The following DCTPP1 variants were observed in gnomAD, a reference collection of about 807,000 sequenced individuals.
DCTPP1 encodes dCTP pyrophosphatase 1.
DCTPP1 carries 8 observed loss-of-function variants against 8.8 expected under a neutral mutation model. That is an observed-to-expected ratio of 0.91 (90% confidence interval 0.54 to 1.64). DCTPP1 has a LOEUF of 1.64. DCTPP1 is among the 40% of genes most tolerant of loss of function. The probability of loss-of-function intolerance (pLI) is 0.00; values close to 1 mark genes in which losing one functional copy is unlikely to be tolerated. For missense variants in DCTPP1, 231 were observed against 230.4 expected (o/e 1.00, Z -0.02); for synonymous variants, 85 against 92.1 (o/e 0.92, Z 0.44).
intron 2 of DCTPP1, among the ~76,000 whole-genome samples, chr16:30,424,843 C>T (rs2050184079): frequency 6.6e-6 from 1 of 152,228 alleles, no homozygotes; most frequent in African/African-American, 2.4e-5. Context: ...GAAGCCTCCC[C>T]ACTCATCTCC....
At chr16:30,428,556 G>A (rs777026929) in intron 2 of DCTPP1, among the ~76,000 whole-genome samples, 53 of 151,976 alleles carry the variant, frequency 3.5e-4, no homozygotes, top group Non-Finnish European at 6.6e-4. Context: ...GATCACCTGA[G>A]GTCAGGAATT....
At position 30,429,920 on chromosome 16, in the gene DCTPP1, C is replaced by T; in HGVS notation, c.61G>A (p.Gly21Ser). ...DTGGEDTAAP[G>S]RFSFSPEPTL... Reference sequence around the variant, plus strand: ...GGCTCCGGGCTGAAGCTGAACCGGCCGGGAGCAGCAGTGTCCTCTCCCCCC... The same window carrying T: ...GGCTCCGGGCTGAAGCTGAACCGGCTGGGAGCAGCAGTGTCCTCTCCCCCC... The change falls in exon 1 of 3, where the codon GGC becomes AGC. Residue 21 changes from glycine (G) to serine (S), a missense_variant. By Grantham distance (56) the Gly-to-Ser change is moderately conservative (BLOSUM62 0). Coordinates refer to ENST00000319285, the MANE Select transcript of DCTPP1 (RefSeq NM_024096.2). 6.3e-7 allele frequency: 1 copy of T among 1,594,444 alleles called. No homozygotes were observed. Among genetic ancestry groups the T allele is most frequent in the Non-Finnish European group, 8.5e-7 (1 of 1,171,318 alleles).
Position 30,424,281 on chromosome 16 carries a change from C to T in DCTPP1, c.465G>A (p.Val155=). 1 of 1,614,228 alleles carries T rather than the reference C, an allele frequency of 6.2e-7. No individual in the cohort carries two copies. Among genetic ancestry groups the T allele is most frequent in the Non-Finnish European group, 8.5e-7 (1 of 1,180,042 alleles). The stretch of plus-strand genomic sequence containing the variant: ...AGTCACAGGGAATGTCCGCAGGCCC[C>T]ACAGCCTGGTCTTCAGAGATGGCCC... ...PHGAISEDQA[V]GPADIPCDST... is the part of the protein sequence containing the mutation. The change falls in exon 3 of 3, where the codon GTG becomes GTA. Residue 155 remains valine (V), a synonymous_variant. Transcript: ENST00000319285.
chr16:30,429,494 T>C (rs943541717), intron 1 of DCTPP1: 3 of 414,698 alleles, frequency 7.2e-6, no homozygotes, highest in African/African-American at 4.1e-5. Flanking sequence ...CAGAAGGTAG[T>C]TCCACAGACC....
chr16:30,424,452 G>A lies in DCTPP1; in HGVS notation c.294C>T (p.Asp98=), dbSNP rs531994911. 8.1e-6 allele frequency: 13 copies of A among 1,614,232 alleles called. No individual in the cohort carries two copies. The East Asian group carries it at 8.9e-5, about 11-fold the overall frequency. ...ERAALQEELS[D]VLIYLVALAA... is the part of the protein sequence containing the mutation. ...CTAATGCCACCAGGTAGATGAGGAC[G>A]TCACTAAGCTCCTCTTGAAGGGCTG... is the stretch of plus-strand genomic sequence containing the variant. Residue 98 remains aspartate, a synonymous_variant, in exon 3 of 3, where the codon GAC becomes GAT. Coordinates refer to ENST00000319285, the MANE Select transcript of DCTPP1 (RefSeq NM_024096.2).
At chr16:30,427,033 G>A (rs1263833382) in intron 2 of DCTPP1, among the ~76,000 whole-genome samples, 10 of 144,776 alleles carry the variant, frequency 6.9e-5, no homozygotes, top group Non-Finnish European at 1.1e-4. Context: ...TTTTTGAGAC[G>A]GAGCCTTGCT....
chr16:30,427,657 A>C (rs1007111030), intron 2 of DCTPP1, among the ~76,000 whole-genome samples: 6 of 152,188 alleles, frequency 3.9e-5, no homozygotes, highest in African/African-American at 1.4e-4. Flanking sequence ...GTTCCAGGCC[A>C]TATCTCAATT....
In DCTPP1 at chr16:30,424,470, A is replaced by C. The variant is rs1431851319; in HGVS notation, c.276T>G (p.Leu92=). The C allele has an allele frequency of 1.2e-6, 2 of 1,614,062 alleles. No homozygotes were observed. Among genetic ancestry groups the C allele is most frequent in the Non-Finnish European group, 1.7e-6 (2 of 1,180,032 alleles). Reference sequence around the variant, plus strand: ...TGAGGACGTCACTAAGCTCCTCTTGAAGGGCTGCCCGTTCCCTGGGGGACC... The same window carrying C: ...TGAGGACGTCACTAAGCTCCTCTTGCAGGGCTGCCCGTTCCCTGGGGGACC... ...QGWSPRERAA[L]QEELSDVLIY... The change falls in exon 3 of 3, where the codon CTT becomes CTG. Residue 92 remains leucine, a synonymous_variant. Transcript: ENST00000319285.
chr16:30,424,583 T>A, intron 2 of DCTPP1, 50 bp from the exon 3 acceptor site: 1 of 1,586,674 alleles, frequency 6.3e-7, no homozygotes, highest in South Asian at 1.1e-5. Flanking sequence ...CCTGGGGCAA[T>A]GGGCTCTGCC....
Position 30,429,833 on chromosome 16 carries a change from G to A in DCTPP1, c.101+47C>T, listed in dbSNP as rs771089155. 7.7e-6 allele frequency: 12 copies of A among 1,560,202 alleles called. No individual in the cohort carries two copies. In the East Asian group the frequency reaches 1.2e-4, roughly 16 times the overall value. On this transcript the variant is annotated intron_variant, in intron 1 of 2. Coordinates refer to ENST00000319285, the MANE Select transcript of DCTPP1 (RefSeq NM_024096.2). Reference sequence around the variant, plus strand: ...TGGAGGAACCCTCCCCAAAACGCGGGAGAAAGGGGCGACTTCCCCACCCCG... The same window carrying A: ...TGGAGGAACCCTCCCCAAAACGCGGAAGAAAGGGGCGACTTCCCCACCCCG...
At chr16:30,429,273 G>T in intron 1 of DCTPP1, 106 bp from the exon 2 acceptor site, 3 of 1,085,382 alleles carry the variant, frequency 2.8e-6, no homozygotes, top group Non-Finnish European at 4.0e-6. Context: ...GGGACCAGGA[G>T]ATTCTGCAAC....
Position 30,427,895 on chromosome 16 carries a change from G to A in DCTPP1, c.212+1162C>T, listed in dbSNP as rs142060489. Reference sequence around the variant, plus strand: ...GCACGCCTGTAGACCCAGCTACTCCGAAGGCTGAGGTGGGAGGATCGTTTG... The same window carrying A: ...GCACGCCTGTAGACCCAGCTACTCCAAAGGCTGAGGTGGGAGGATCGTTTG... On this transcript the variant is annotated intron_variant, in intron 2 of 2. Transcript: ENST00000319285. 1.7e-4 allele frequency among the ~76,000 whole-genome samples: 26 copies of A among 152,292 alleles called. No homozygotes were observed. In the East Asian group the frequency reaches 4.6e-3, roughly 27 times the overall value.
At position 30,429,167 on chromosome 16, in the gene DCTPP1, G is replaced by C; in HGVS notation, c.102C>G (p.Ile34Met). ...CAGCAAACTCAGCATGGAGGCGGCG[G>C]CTGAAATAGGACAAAGGAGTGTAAG... ...SFSPEPTLED[I>M]RRLHAEFAAE... The change falls in exon 2 of 3, where the codon ATC (isoleucine) becomes ATG (methionine). Residue 34 changes from isoleucine (I) to methionine (M), a missense_variant and splice_region_variant. Transcript: ENST00000319285. The C allele has an allele frequency of 6.2e-7, 1 of 1,614,032 alleles. No homozygotes were observed. The highest frequency in any genetic ancestry group is 8.5e-7 in the Non-Finnish European group (1 of 1,179,988).
chr16:30,424,079 G>T lies in DCTPP1; in HGVS notation c.*154C>A. 1 of 873,526 alleles carries T rather than the reference G, an allele frequency of 1.1e-6. No homozygotes were observed. The highest frequency in any genetic ancestry group is 1.7e-6 in the Non-Finnish European group (1 of 586,332). The allele number at this position is 873,526 out of a possible 1,614,324, so 54.1% of individuals were successfully genotyped here. ...TTTACTGGGAGAACAAACACCAGGA[G>T]GCTACCTTCTAGAGGCTGCTGGGCC... On this transcript the variant is annotated 3_prime_UTR_variant, in exon 3 of 3. Coordinates refer to ENST00000319285, the MANE Select transcript of DCTPP1 (RefSeq NM_024096.2).
intron 1 of DCTPP1, 104 bp downstream of exon 1, chr16:30,429,776 G>A (rs904714545): frequency 1.6e-5 from 19 of 1,163,724 alleles, no homozygotes; most frequent in Middle Eastern, 2.6e-4. Context: ...GCCAGGACCC[G>A]AGCCCCGCTG....
At chr16:30,426,243 T>C (rs1291121349) in intron 2 of DCTPP1, among the ~76,000 whole-genome samples, 4 of 152,192 alleles carry the variant, frequency 2.6e-5, no homozygotes, top group Non-Finnish European at 4.4e-5. Context: ...TGGCACGATC[T>C]TGGCTCACTG....
Position 30,424,372 on chromosome 16 carries a change from T to A in DCTPP1, c.374A>T (p.Asn125Ile). ...CAGATGGGCTGGGTAGCGTCGCCGG[T>A]TGATGTCCATTTTGGAGAGCACTGC... ...PLAVLSKMDINRRRYPAHLAR... is the reference protein window; with the variant it reads ...PLAVLSKMDIIRRRYPAHLAR... The change falls in exon 3 of 3, where the codon AAC becomes ATC. Residue 125 changes from asparagine (N) to isoleucine (I), a missense_variant. Coordinates refer to ENST00000319285, the MANE Select transcript of DCTPP1 (RefSeq NM_024096.2). 1 of 1,614,120 alleles carries A rather than the reference T, an allele frequency of 6.2e-7. No homozygotes were observed. The highest frequency in any genetic ancestry group is 1.3e-5 in the African/African-American group (1 of 75,030).
intron 1 of DCTPP1, 49 bp downstream of exon 1, chr16:30,429,831 G>C (rs769829600): frequency 1.4e-5 from 22 of 1,553,614 alleles, no homozygotes; most frequent in African/African-American, 2.8e-5. Context: ...CCCAAAACGC[G>C]GGAGAAAGGG....
At position 30,424,143 on chromosome 16, in the gene DCTPP1, A is replaced by G. The variant is rs2050178559; in HGVS notation, c.*90T>C. ...AGTGGAGGCCTCAGGCCCATGATCT[A>G]TTCTGAAAAGACTAGAAAAAGGCTC... On this transcript the variant is annotated 3_prime_UTR_variant, in exon 3 of 3. Coordinates refer to ENST00000319285, the MANE Select transcript of DCTPP1 (RefSeq NM_024096.2). 1 of 1,473,982 alleles carries G rather than the reference A, an allele frequency of 6.8e-7. No homozygotes were observed. The highest frequency in any genetic ancestry group is 9.1e-7 in the Non-Finnish European group (1 of 1,100,946). 91.3% of individuals were successfully genotyped at this position (1,473,982 alleles called of 1,614,324 possible).
Sources: gnomAD v4.1 joint callset for allele counts (sites outside exome capture counted in the v4.1 genomes callset) on GRCh38, gnomAD v4.1.1 for gene constraint, MANE v1.5 for transcripts, NCBI Gene and HGNC (gene_info 2026-07-23, HGNC 2026-07-21) for gene names.